ACAP3: variants seen among roughly 807,000 people sequenced by gnomAD.
The protein encoded by ACAP3 is ArfGAP with coiled-coil, ankyrin repeat and PH domains 3, also known as arf-GAP with coiled-coil, ANK repeat and PH domain-containing protein 3.
In ACAP3, 56 loss-of-function variants were observed where a neutral mutation model predicts 104.1. The observed-to-expected ratio is 0.54, with a 90% CI of 0.43 to 0.67. The LOEUF (loss-of-function observed/expected upper bound fraction) is 0.67, where lower values mean the gene tolerates loss of function less well. Among genes scored for constraint, ACAP3 ranks in the 30% least tolerant of loss-of-function variants. The pLI is 0.00. For synonymous variants in ACAP3, 628 were observed against 496.2 expected (o/e 1.27, Z -3.53); for missense variants, 1,208 against 1,174.9 (o/e 1.03, Z -0.41).
intron 22 of ACAP3, 55 bp from the exon 23 acceptor site, chr1:1,293,988 G>C (rs1452791484): frequency 1.1e-5 from 16 of 1,467,022 alleles, no homozygotes; most frequent in Admixed American, 4.8e-5. Context: ...GGGCGAGTGT[G>C]GTCGCGGGGG....
intron 23 of ACAP3, 37 bp downstream of exon 23, chr1:1,293,786 A>G: frequency 6.6e-7 from 1 of 1,520,924 alleles, no homozygotes; most frequent in Admixed American, 1.9e-5. Flanking sequence ...CCTGCCCTGG[A>G]GGCCCCGCCC....
At position 1,298,002 on chromosome 1, in the gene ACAP3, G is replaced by C. The variant is rs377311266; in HGVS notation, c.1016+11C>G. ...ACGCCCCCCGCCCCACCCTGGGCTGGGCCTCCTCACTTGGTGGGTGACAGC... is the reference window on the plus strand; with the variant it reads ...ACGCCCCCCGCCCCACCCTGGGCTGCGCCTCCTCACTTGGTGGGTGACAGC... On this transcript the variant is annotated intron_variant, in intron 13 of 23. Transcript: ENST00000354700. 8.1e-6 allele frequency: 13 copies of C among 1,611,620 alleles called. No homozygotes were observed. Among genetic ancestry groups the C allele is most frequent in the African/African-American group, 6.7e-5 (5 of 74,876 alleles).
chr1:1,307,032 C>A (rs1158012686), intron 1 of ACAP3: 1 of 566,826 alleles, frequency 1.8e-6, no homozygotes, highest in Non-Finnish European at 3.0e-6. Context: ...GCACCCCGCA[C>A]GAGCTCGTGC....
intron 19 of ACAP3, 123 bp downstream of exon 19, chr1:1,295,324 G>A: frequency 1.2e-6 from 1 of 850,062 alleles, no homozygotes; most frequent in Non-Finnish European, 1.8e-6. Flanking sequence ...GTGTGGCCAG[G>A]AGGCCCCCCG....
rs754386631 is a variant in ACAP3, at chr1:1,295,559, A to G, written c.1706-5T>C. On this transcript the variant is annotated splice_polypyrimidine_tract_variant and splice_region_variant and intron_variant, in intron 18 of 23. Transcript: ENST00000354700. ...ACTTACGATCCAGGGTGCCCACTGC[A>G]GGGGCAGTGCGTGTTCAGAGTGTGG... 6.2e-7 allele frequency: 1 copy of G among 1,611,320 alleles called. No homozygotes were observed. Among genetic ancestry groups the G allele is most frequent in the South Asian group, 1.1e-5 (1 of 90,998 alleles).
intron 1 of ACAP3, 123 bp downstream of exon 1, chr1:1,307,646 C>T: frequency 1.0e-6 from 1 of 958,480 alleles, no homozygotes; most frequent in Non-Finnish European, 1.3e-6. Flanking sequence ...GAGGCCGGTC[C>T]TCCAGCCCCT....
Position 1,303,262 on chromosome 1 carries a change from C to G in ACAP3, c.125G>C (p.Gly42Ala). 6.3e-7 allele frequency: 1 copy of G among 1,595,190 alleles called. No individual in the cohort carries two copies. Among genetic ancestry groups the G allele is most frequent in the Non-Finnish European group, 8.5e-7 (1 of 1,172,104 alleles). The change falls in exon 3 of 24, where the codon GGC (glycine) becomes GCC (alanine). Residue 42 changes from glycine (G) to alanine (A), a missense_variant. Gly to Ala is a moderately conservative substitution (Grantham distance 60). Transcript: ENST00000354700. The surrounding 1 kb of genome is among the most constrained non-coding windows in gnomAD (Gnocchi z 4.0). ...KLDKLVKLCS[G>A]MVEAGKAYVS... ...GTAGGCCTTACCGGCTTCCACCATG[C>G]CACTGCACAGCTTCACCAGCTGTGG...
Position 1,307,214 on chromosome 1 carries a change from C to T in ACAP3, c.47+555G>A, listed in dbSNP as rs931870444. 11 of 1,287,006 alleles carry T rather than the reference C, an allele frequency of 8.5e-6. No homozygotes were observed. In the East Asian group the frequency reaches 5.6e-4, roughly 65 times the overall value. 79.7% of individuals were successfully genotyped at this position (1,287,006 alleles called of 1,614,324 possible). ...CCTGCACGCCACGAATGATGGAAAA[C>T]ATGCAGACTCGGTGTGCACACAACC... On this transcript the variant is annotated intron_variant, in intron 1 of 23. Coordinates refer to ENST00000354700, the MANE Select transcript of ACAP3 (RefSeq NM_030649.3).
At chr1:1,300,890 G>C (rs967769497) in intron 5 of ACAP3, among the ~76,000 whole-genome samples, 198 bp from the exon 6 acceptor site, 1 of 152,082 alleles carries the variant, frequency 6.6e-6, no homozygotes. Flanking sequence ...TCCTGCCTCA[G>C]CTTCCCTAGC....
rs570759039 is a variant in ACAP3 at position 1,293,353 on chromosome 1, A to AC, written c.*210dup. 135 of 393,028 alleles carry AC rather than the reference A, an allele frequency of 3.4e-4. No homozygotes were observed. The highest frequency in any genetic ancestry group is 1.9e-3 in the African/African-American group (89 of 45,868). The allele number at this position is 393,028 out of a possible 1,614,324, so 24.3% of individuals were successfully genotyped here. A position where few individuals can be genotyped will look rare whatever the true frequency, so the allele number is the denominator to read the frequency against. On this transcript the variant is annotated 3_prime_UTR_variant, in exon 24 of 24. Coordinates refer to ENST00000354700, the MANE Select transcript of ACAP3 (RefSeq NM_030649.3). ...GGTGAGGGACACCCGACGATGCAGC[A>AC]CCCCCCCAGGGAAACGTGAGGCTTC... is the stretch of plus-strand genomic sequence containing the variant.
At position 1,303,255 on chromosome 1, in the gene ACAP3, C is replaced by T. The variant is rs773383231; in HGVS notation, c.132G>A (p.Val44=). 32 of 1,598,160 alleles carry T rather than the reference C, an allele frequency of 2.0e-5. No homozygotes were observed. Among genetic ancestry groups the T allele is most frequent in the Admixed American group, 1.7e-5 (1 of 58,014 alleles). Residue 44 remains valine (V), a synonymous_variant, in exon 3 of 24, where the codon GTG becomes GTA. Transcript: ENST00000354700. This position sits in a 1 kb window ranked among gnomAD's most constrained non-coding sequence, Gnocchi z 4.0. ...TGCTGACGTAGGCCTTACCGGCTTC[C>T]ACCATGCCACTGCACAGCTTCACCA... ...DKLVKLCSGM[V]EAGKAYVSTS... is the part of the protein sequence containing the mutation.
At chr1:1,295,010 G>A (rs760373044) in intron 19 of ACAP3, 194 bp from the exon 20 acceptor site, 5 of 595,468 alleles carry the variant, frequency 8.4e-6, no homozygotes, top group Non-Finnish European at 1.2e-5. Context: ...GCTCAAAGGT[G>A]CCAGGGGTAG....
chr1:1,300,033 G>C lies in ACAP3; in HGVS notation c.603C>G (p.Phe201Leu). 1 of 1,612,598 alleles carries C rather than the reference G, an allele frequency of 6.2e-7. No individual in the cohort carries two copies. The highest frequency in any genetic ancestry group is 8.5e-7 in the Non-Finnish European group (1 of 1,179,866). The stretch of plus-strand genomic sequence containing the variant: ...GGTGCAGGAGGCTGTAGCCCTGCTG[G>C]AAGAAGCTGGACTGGGCGTGCATGA... ...LSFMHAQSSF[F>L]QQGYSLLHQL... The change falls in exon 8 of 24, where the codon TTC becomes TTG. Residue 201 changes from phenylalanine (F) to leucine (L), a missense_variant. Coordinates refer to ENST00000354700, the MANE Select transcript of ACAP3 (RefSeq NM_030649.3).
intron 14 of ACAP3, 60 bp downstream of exon 14, chr1:1,297,762 G>A (rs1641251834): frequency 4.6e-6 from 7 of 1,528,448 alleles, no homozygotes; most frequent in Middle Eastern, 2.2e-4. Flanking sequence ...CGGGGCAGGG[G>A]CCATCCCCGG....
chr1:1,296,803 T>G (rs1641185875), intron 14 of ACAP3, among the ~76,000 whole-genome samples, 170 bp from the exon 15 acceptor site: 1 of 126,780 alleles, frequency 7.9e-6, no homozygotes, highest in African/African-American at 3.2e-5. Flanking sequence ...GGCCCCCCCC[T>G]CGAGCACACG....
At chr1:1,293,994 G>A in intron 22 of ACAP3, 61 bp from the exon 23 acceptor site, 2 of 1,468,332 alleles carry the variant, frequency 1.4e-6, no homozygotes, top group Non-Finnish European at 1.8e-6. Flanking sequence ...GTGTGGTCGC[G>A]GGGGCGTGGC....
Position 1,295,946 on chromosome 1 carries a change from A to G in ACAP3, c.1503-8T>C, listed in dbSNP as rs1641120689. On this transcript the variant is annotated splice_polypyrimidine_tract_variant and splice_region_variant and intron_variant, in intron 17 of 23. Transcript: ENST00000354700. ...CAGGCCTCCTTGTCCTGCCTGGACCAGGGGGGAACATGAGGCTGTGCCCCC... is the reference window on the plus strand; with the variant it reads ...CAGGCCTCCTTGTCCTGCCTGGACCGGGGGGGAACATGAGGCTGTGCCCCC... The G allele has an allele frequency of 6.2e-7, 1 of 1,612,372 alleles. No individual in the cohort carries two copies. The highest frequency in any genetic ancestry group is 1.1e-5 in the South Asian group (1 of 91,068).
chr1:1,300,727 G>A (rs1376293683), intron 5 of ACAP3, 35 bp from the exon 6 acceptor site: 1 of 1,585,120 alleles, frequency 6.3e-7, no homozygotes, highest in South Asian at 1.2e-5. Flanking sequence ...TGAGAGATCA[G>A]GGAGGGCACC....
At chr1:1,301,932 T>C in intron 5 of ACAP3, 56 bp downstream of exon 5, 1 of 1,477,950 alleles carries the variant, frequency 6.8e-7, no homozygotes, top group Non-Finnish European at 9.1e-7. Context: ...CCCCTTCCCC[T>C]CCAAGGGAGG....
Sources: allele counts gnomAD v4.1 joint callset (sites outside exome capture counted in the v4.1 genomes callset), GRCh38; gene constraint gnomAD v4.1.1; non-coding constraint Gnocchi (gnomAD v3.1); transcripts MANE v1.5; gene names NCBI Gene and HGNC (gene_info 2026-07-23, HGNC 2026-07-21).